LTBP1: variants seen among roughly 807,000 people sequenced by gnomAD.
LTBP1 encodes the protein latent transforming growth factor beta binding protein 1.
Under a neutral mutation model 207.6 loss-of-function variants are expected in LTBP1, and 129 were observed. The ratio of observed to expected loss-of-function variants is 0.62; its 90% CI spans 0.54 to 0.72. The LOEUF (loss-of-function observed/expected upper bound fraction) is 0.72, where lower values mean the gene tolerates loss of function less well. LTBP1 is among the 30% of genes least tolerant of loss of function. LTBP1 has a pLI of 0.00. For missense variants in LTBP1, 2,281 were observed against 2,217.2 expected, an observed-to-expected ratio of 1.03 and a Z score of -0.58; for synonymous variants, 963 against 833.7, an observed-to-expected ratio of 1.16 and a Z score of -2.67.
At chr2:33,278,820 C>CT (rs1383192470) in intron 18 of LTBP1, among the ~76,000 whole-genome samples, 1 of 151,884 alleles carries the variant, frequency 6.6e-6, no homozygotes, top group African/African-American at 2.4e-5. Context: ...AACATCTGAC[C>CT]TAAAAAAACC....
intron 3 of LTBP1, among the ~76,000 whole-genome samples, chr2:33,105,648 G>C (rs549934930): frequency 3.9e-4 from 60 of 152,230 alleles, no homozygotes; most frequent in Middle Eastern, 3.4e-3. Flanking sequence ...GGCTAGGCTG[G>C]TCTTGAACTT....
At chr2:33,175,600 TC>T (rs2085950057) in intron 5 of LTBP1, among the ~76,000 whole-genome samples, 1 of 152,188 alleles carries the variant, frequency 6.6e-6, no homozygotes, top group Non-Finnish European at 1.5e-5. Flanking sequence ...GTGTGACACT[TC>T]CTCAGGGATC....
chr2:33,056,810 T>C (rs2077022148), intron 3 of LTBP1, among the ~76,000 whole-genome samples: 2 of 152,022 alleles, frequency 1.3e-5, no homozygotes, highest in African/African-American at 4.8e-5. Context: ...GCTTCCACAG[T>C]GTGGAAGGGG....
chr2:33,072,427 CT>C (rs1207902743), intron 3 of LTBP1, among the ~76,000 whole-genome samples: 3 of 152,204 alleles, frequency 2.0e-5, no homozygotes, highest in Non-Finnish European at 4.4e-5. Context: ...TTCTCAGCCT[CT>C]CTGTGCAGCA....
At chr2:33,118,938 G>A (rs1367165859) in intron 4 of LTBP1, among the ~76,000 whole-genome samples, 1 of 152,106 alleles carries the variant, frequency 6.6e-6, no homozygotes, top group East Asian at 1.9e-4. Flanking sequence ...ATATTTCCAA[G>A]AAACTTACCC....
At chr2:33,186,760 A>C in intron 5 of LTBP1, 96 bp from the exon 6 acceptor site, 8 of 896,040 alleles carry the variant, frequency 8.9e-6, no homozygotes, top group Non-Finnish European at 1.2e-5. Context: ...TCTGATGCCT[A>C]TAATGGGCTG....
At chr2:33,047,403 G>A (rs577708577) in intron 3 of LTBP1, among the ~76,000 whole-genome samples, 43 of 152,182 alleles carry the variant, frequency 2.8e-4, no homozygotes, top group Non-Finnish European at 5.6e-4. Flanking sequence ...AGGTTGTTCA[G>A]TTTCCATGTA....
At chr2:33,292,541 A>G (rs1573658868) in intron 19 of LTBP1, among the ~76,000 whole-genome samples, 1 of 152,214 alleles carries the variant, frequency 6.6e-6, no homozygotes, top group South Asian at 2.1e-4. Context: ...GCCCACATGT[A>G]GCAAGTGCTT....
chr2:33,205,249 A>G (rs1375107831), intron 7 of LTBP1, among the ~76,000 whole-genome samples: 1 of 152,218 alleles, frequency 6.6e-6, no homozygotes, highest in African/African-American at 2.4e-5. Context: ...TCTGTTCCTT[A>G]AATCTTTATT....
At chr2:33,269,159 A>G (rs2093258429) in intron 15 of LTBP1, among the ~76,000 whole-genome samples, 1 of 152,250 alleles carries the variant, frequency 6.6e-6, no homozygotes, top group Admixed American at 6.5e-5. Context: ...TGAAGAAAAA[A>G]GCTAAAAGTC....
At chr2:33,398,031 C>T (rs1244559643) in intron 33 of LTBP1, among the ~76,000 whole-genome samples, 1 of 152,122 alleles carries the variant, frequency 6.6e-6, no homozygotes, top group Non-Finnish European at 1.5e-5. Context: ...TATCTGGTTC[C>T]TCTTGACAAA....
intron 5 of LTBP1, among the ~76,000 whole-genome samples, chr2:33,156,604 A>G (rs111389118): frequency 6.6e-6 from 1 of 152,226 alleles, no homozygotes; most frequent in Non-Finnish European, 1.5e-5. Flanking sequence ...TAATGTCCAT[A>G]TATAAGTATT....
At chr2:33,000,412 C>T (rs1469918014) in intron 2 of LTBP1, among the ~76,000 whole-genome samples, 3 of 135,088 alleles carry the variant, frequency 2.2e-5, no homozygotes, top group South Asian at 2.6e-4. Context: ...GAGCATGAGC[C>T]GTGCATGGGA....
chr2:33,263,891 C>T (rs817540), intron 15 of LTBP1, among the ~76,000 whole-genome samples: 39,815 of 148,330 alleles, frequency 0.27, 6,670 homozygotes, highest in East Asian at 0.65. Context: ...AGGCGGAGAT[C>T]GCAGTGAGCC....
chr2:33,199,789 A>G (rs2089000460), intron 7 of LTBP1, among the ~76,000 whole-genome samples: 1 of 151,984 alleles, frequency 6.6e-6, no homozygotes, highest in Non-Finnish European at 1.5e-5. Flanking sequence ...TCAGGATACA[A>G]AATCAATGTA....
chr2:33,095,082 T>C (rs2079315582), intron 3 of LTBP1, among the ~76,000 whole-genome samples: 1 of 152,238 alleles, frequency 6.6e-6, no homozygotes, highest in Admixed American at 6.5e-5. Flanking sequence ...TTTTATTCTG[T>C]GCTTTTTTTA....
At chr2:33,195,889 C>A (rs1436473776) in intron 7 of LTBP1, among the ~76,000 whole-genome samples, 1 of 152,108 alleles carries the variant, frequency 6.6e-6, no homozygotes, top group East Asian at 1.9e-4. Context: ...CCTCAGGAAC[C>A]CCCATCCTGA....
intron 32 of LTBP1, among the ~76,000 whole-genome samples, chr2:33,391,458 G>T (rs1448981590): frequency 6.6e-6 from 1 of 152,178 alleles, no homozygotes; most frequent in East Asian, 1.9e-4. Context: ...AAGGAAGGGA[G>T]AAGAATTATT....
At chr2:33,214,507 A>C (rs552374196) in intron 7 of LTBP1, among the ~76,000 whole-genome samples, 5 of 151,734 alleles carry the variant, frequency 3.3e-5, no homozygotes, top group Non-Finnish European at 7.4e-5. Context: ...CCCACCTACC[A>C]CTTTATCACT....
Sources: allele counts gnomAD v4.1 joint callset (sites outside exome capture counted in the v4.1 genomes callset), GRCh38; gene constraint gnomAD v4.1.1; transcripts MANE v1.5; gene names NCBI Gene and HGNC (gene_info 2026-07-23, HGNC 2026-07-21).